GABBR2: variants seen among roughly 807,000 people sequenced by gnomAD.
The protein encoded by GABBR2 is G-protein coupled receptor 51.
Under a neutral mutation model 105.6 loss-of-function variants are expected in GABBR2, and 23 were observed. The ratio of observed to expected loss-of-function variants is 0.22; its 90% CI spans 0.16 to 0.31. The LOEUF (loss-of-function observed/expected upper bound fraction) is 0.31, where lower values mean the gene tolerates loss of function less well. GABBR2 is among the 10% of genes least tolerant of loss of function. The pLI is 1.00. For synonymous variants in GABBR2, 478 were observed against 499.7 expected (o/e 0.96, Z 0.58); for missense variants, 734 against 1,245.5 (o/e 0.59, Z 6.18).
chr9:98,563,281 G>A (rs1013228663), intron 2 of GABBR2, among the ~76,000 whole-genome samples: 1 of 152,178 alleles, frequency 6.6e-6, no homozygotes, highest in Non-Finnish European at 1.5e-5. Context: ...TCTGGGCCAT[G>A]AGCTGGGCTC....
chr9:98,663,566 G>A (rs1294683236), intron 1 of GABBR2, among the ~76,000 whole-genome samples: 1 of 151,416 alleles, frequency 6.6e-6, no homozygotes, highest in African/African-American at 2.4e-5. Context: ...AAAGATAGAT[G>A]GGCAGCCAAC....
At chr9:98,448,919 TAAA>T (rs10623958) in intron 7 of GABBR2, among the ~76,000 whole-genome samples, 27 of 146,522 alleles carry the variant, frequency 1.8e-4, no homozygotes, top group Non-Finnish European at 2.4e-4. Context: ...GGAAAGAGTT[TAAA>T]AAAAAAAAAA....
At chr9:98,595,223 T>C (rs1380911835) in intron 1 of GABBR2, among the ~76,000 whole-genome samples, 1 of 152,048 alleles carries the variant, frequency 6.6e-6, no homozygotes, top group Non-Finnish European at 1.5e-5. Flanking sequence ...CCTCACATGG[T>C]GGGAGGGGAG....
Position 98,306,170 on chromosome 9 carries a change from A to T in GABBR2, c.2180T>A (p.Val727Asp). Reference sequence around the variant, plus strand: ...GGTGATGGTGCTGCAGAAGATGATGACCAGAGCCACGATGCAGAACTGCAC... The same window carrying T: ...GGTGATGGTGCTGCAGAAGATGATGTCCAGAGCCACGATGCAGAACTGCAC... ...PNVQFCIVAL[V>D]IIFCSTITLC... is the part of the protein sequence containing the mutation. Residue 727 changes from valine to aspartate, a missense_variant, in exon 15 of 19, where the codon GTC becomes GAC. By Grantham distance (152) the Val-to-Asp change is radical. Coordinates refer to ENST00000259455, the MANE Select transcript of GABBR2 (RefSeq NM_005458.8). This position sits in a 1 kb window ranked among gnomAD's most constrained non-coding sequence, Gnocchi z 5.4. 6.2e-7 allele frequency: 1 copy of T among 1,614,174 alleles called. No individual in the cohort carries two copies.
intron 13 of GABBR2, among the ~76,000 whole-genome samples, chr9:98,345,378 G>A (rs778396310): frequency 2.0e-5 from 3 of 152,174 alleles, no homozygotes; most frequent in African/African-American, 2.4e-5. Flanking sequence ...CTCTGCCTGA[G>A]TCATCATTCG....
intron 13 of GABBR2, among the ~76,000 whole-genome samples, chr9:98,353,825 TC>T (rs1831442644): frequency 6.6e-6 from 1 of 151,818 alleles, no homozygotes; most frequent in East Asian, 1.9e-4. Context: ...GTGGCGGAAT[TC>T]CCCCATGCTG....
At chr9:98,485,991 G>C (rs1827039776) in intron 4 of GABBR2, among the ~76,000 whole-genome samples, 2 of 152,220 alleles carry the variant, frequency 1.3e-5, no homozygotes, top group Admixed American at 1.3e-4. Context: ...CTGTGGTGCT[G>C]TCTGTGCTCC....
chr9:98,546,222 T>G (rs560202838), intron 2 of GABBR2, among the ~76,000 whole-genome samples: 1 of 152,344 alleles, frequency 6.6e-6, no homozygotes, highest in South Asian at 2.1e-4. Flanking sequence ...GAATTCTTTA[T>G]TAGACTACTT....
At chr9:98,427,529 G>A (rs1430945575) in intron 7 of GABBR2, among the ~76,000 whole-genome samples, 1 of 152,172 alleles carries the variant, frequency 6.6e-6, no homozygotes, top group Non-Finnish European at 1.5e-5. Flanking sequence ...CACACTCTAA[G>A]GTGGCCCCAA....
chr9:98,475,567 C>G (rs1189536537), intron 5 of GABBR2, among the ~76,000 whole-genome samples: 1 of 152,156 alleles, frequency 6.6e-6, no homozygotes, highest in African/African-American at 2.4e-5. Flanking sequence ...ATTCTCACAA[C>G]TACCCTATGA....
intron 15 of GABBR2, 84 bp from the exon 16 acceptor site, chr9:98,303,507 A>T (rs1210798411): frequency 1.6e-6 from 2 of 1,259,188 alleles, no homozygotes; most frequent in Non-Finnish European, 2.3e-6. Context: ...CTCCCAGCAG[A>T]TCCTGCTCTG....
intron 13 of GABBR2, among the ~76,000 whole-genome samples, chr9:98,312,148 A>T (rs1481224131): frequency 6.6e-6 from 1 of 152,242 alleles, no homozygotes; most frequent in Non-Finnish European, 1.5e-5. Context: ...ACAGTGTATT[A>T]TCTAATATAC....
intron 8 of GABBR2, 121 bp downstream of exon 8, chr9:98,405,960 C>A: frequency 1.5e-6 from 1 of 678,040 alleles, no homozygotes; most frequent in Admixed American, 2.7e-5. Flanking sequence ...TTTCAATTGG[C>A]TCTGCTTTCT....
chr9:98,481,500 C>T (rs1826921784), intron 4 of GABBR2, among the ~76,000 whole-genome samples: 1 of 152,206 alleles, frequency 6.6e-6, no homozygotes, highest in African/African-American at 2.4e-5. Flanking sequence ...CCCTTTCTAC[C>T]TTCCTGATAG....
At chr9:98,450,427 C>T (rs982886029) in intron 7 of GABBR2, among the ~76,000 whole-genome samples, 8 of 151,970 alleles carry the variant, frequency 5.3e-5, no homozygotes, top group African/African-American at 1.9e-4. Flanking sequence ...GTGACAAGCA[C>T]CTATTAATAT....
At chr9:98,406,907 G>A (rs1430324327) in intron 7 of GABBR2, among the ~76,000 whole-genome samples, 1 of 152,182 alleles carries the variant, frequency 6.6e-6, no homozygotes, top group African/African-American at 2.4e-5. Flanking sequence ...AGCCATACGA[G>A]GAAATTGACA....
At chr9:98,485,256 G>C (rs1827019532) in intron 4 of GABBR2, among the ~76,000 whole-genome samples, 1 of 152,116 alleles carries the variant, frequency 6.6e-6, no homozygotes, top group African/African-American at 2.4e-5. Context: ...CACAAGAAAG[G>C]GGCAAAAGTG....
intron 7 of GABBR2, among the ~76,000 whole-genome samples, chr9:98,422,037 T>G (rs552329255): frequency 2.6e-5 from 4 of 152,030 alleles, no homozygotes; most frequent in Non-Finnish European, 5.9e-5. Flanking sequence ...GACAATAGAA[T>G]GAAAGAAGAT....
intron 5 of GABBR2, among the ~76,000 whole-genome samples, chr9:98,477,201 C>G (rs1009616830): frequency 2.0e-5 from 3 of 152,140 alleles, no homozygotes; most frequent in African/African-American, 7.2e-5. Flanking sequence ...GTGGACCGAC[C>G]GAATGAATGC....
Sources: gnomAD v4.1 joint callset for allele counts (sites outside exome capture counted in the v4.1 genomes callset) on GRCh38, gnomAD v4.1.1 for gene constraint, Gnocchi (gnomAD v3.1) non-coding constraint, MANE v1.5 for transcripts, NCBI Gene and HGNC (gene_info 2026-07-23, HGNC 2026-07-21) for gene names.